IMPA1: variants seen among roughly 807,000 people sequenced by gnomAD.
IMPA1 encodes the protein inositol monophosphatase 1.
Under a neutral mutation model 34.9 loss-of-function variants are expected in IMPA1, and 21 were observed. The observed-to-expected ratio is 0.60, with a 90% CI of 0.43 to 0.87. The LOEUF is 0.87. IMPA1 is among the 40% of genes least tolerant of loss of function. The probability of loss-of-function intolerance (pLI) is 0.00; values close to 1 mark genes in which losing one functional copy is unlikely to be tolerated. For synonymous variants in IMPA1, 95 were observed against 104.4 expected, an observed-to-expected ratio of 0.91 and a Z score of 0.55; for missense variants, 299 against 336.4, an observed-to-expected ratio of 0.89 and a Z score of 0.87.
At chr8:81,678,418 G>A (rs1807190831) in intron 4 of IMPA1, among the ~76,000 whole-genome samples, 2 of 152,144 alleles carry the variant, frequency 1.3e-5, no homozygotes, top group Non-Finnish European at 2.9e-5. Context: ...TTGGCCAGGT[G>A]CAGTGGTTCA....
intron 4 of IMPA1, among the ~76,000 whole-genome samples, chr8:81,677,932 A>G (rs1246957780): frequency 5.3e-5 from 8 of 152,192 alleles, no homozygotes; most frequent in Non-Finnish European, 8.8e-5. Flanking sequence ...GGGCAATTCC[A>G]CCAGGCTTTC....
chr8:81,659,419 T>C lies in IMPA1; in HGVS notation c.766A>G (p.Arg256Gly), dbSNP rs1474471919. The change falls in exon 9 of 9, where the codon AGA (arginine) becomes GGA (glycine). Residue 256 changes from arginine to glycine, a missense_variant. Transcript: ENST00000256108. Reference sequence around the variant, plus strand: ...TTAGCTATCCTTTCTGCTAATATTCTATTATTTGCAGCAATTACTCTTCGT... The same window carrying C: ...TTAGCTATCCTTTCTGCTAATATTCCATTATTTGCAGCAATTACTCTTCGT... ...MSRRVIAANN[R>G]ILAERIAKEI... 4 of 1,611,810 alleles carry C rather than the reference T, an allele frequency of 2.5e-6. No homozygotes were observed. The highest frequency in any genetic ancestry group is 2.5e-6 in the Non-Finnish European group (3 of 1,178,262).
In IMPA1 at chr8:81,685,014, C is replaced by T. The variant is rs184430299; in HGVS notation, c.-25+1238G>A. Among the ~76,000 whole-genome samples the T allele has an allele frequency of 2.0e-3, 257 of 130,940 alleles. 4 individuals are homozygous for T. The highest frequency in any genetic ancestry group is 6.3e-3 in the African/African-American group (221 of 34,820). 85.9% of individuals were successfully genotyped at this position (130,940 alleles called of 152,430 possible). A position where few individuals can be genotyped will look rare whatever the true frequency, so the allele number is the denominator to read the frequency against. Reference sequence around the variant, plus strand: ...ATATTTAGATACTATATATACTATACGTAAGTATATTTAGATACTATATAT... The same window carrying T: ...ATATTTAGATACTATATATACTATATGTAAGTATATTTAGATACTATATAT... On this transcript the variant is annotated intron_variant, in intron 1 of 8. Coordinates refer to ENST00000256108, the MANE Select transcript of IMPA1 (RefSeq NM_005536.4).
At chr8:81,662,797 G>C (rs1350789560) in intron 7 of IMPA1, among the ~76,000 whole-genome samples, 1 of 152,082 alleles carries the variant, frequency 6.6e-6, no homozygotes, top group African/African-American at 2.4e-5. Context: ...TGATAAAATT[G>C]TTCTCTAAAC....
Position 81,673,952 on chromosome 8 carries a change from G to A in IMPA1, c.349-3C>T, listed in dbSNP as rs1209832027. ...CTGTACACAACTCCAAATTCTATCTGCAGAGGAAAACAAGTTTCCTTTACC... is the reference window on the plus strand; with the variant it reads ...CTGTACACAACTCCAAATTCTATCTACAGAGGAAAACAAGTTTCCTTTACC... On this transcript the variant is annotated splice_polypyrimidine_tract_variant and splice_region_variant and intron_variant, in intron 5 of 8. Coordinates refer to ENST00000256108, the MANE Select transcript of IMPA1 (RefSeq NM_005536.4). 5.1e-6 allele frequency: 8 copies of A among 1,580,326 alleles called. No individual in the cohort carries two copies. Among genetic ancestry groups the A allele is most frequent in the Non-Finnish European group, 6.9e-6 (8 of 1,151,990 alleles).
intron 3 of IMPA1, 54 bp from the exon 4 acceptor site, chr8:81,679,284 CA>C: frequency 2.6e-6 from 3 of 1,142,074 alleles, no homozygotes; most frequent in Non-Finnish European, 4.0e-6. Flanking sequence ...CAACAATTTC[CA>C]AATCATAACA....
chr8:81,666,562 T>C (rs988962821), intron 7 of IMPA1, among the ~76,000 whole-genome samples: 2 of 152,144 alleles, frequency 1.3e-5, no homozygotes, highest in African/African-American at 4.8e-5. Context: ...CAAAGATTTA[T>C]CAGGCAAACA....
intron 1 of IMPA1, among the ~76,000 whole-genome samples, chr8:81,683,217 A>G (rs1361359616): frequency 6.6e-6 from 1 of 152,180 alleles, no homozygotes; most frequent in Non-Finnish European, 1.5e-5. Context: ...CTGGGGAGGT[A>G]GTGGGGATCA....
intron 4 of IMPA1, among the ~76,000 whole-genome samples, chr8:81,678,171 A>AT (rs879932837): frequency 1.2e-3 from 173 of 144,408 alleles, no homozygotes; most frequent in East Asian, 5.4e-3. Context: ...CACCCATGCA[A>AT]TTTTTTTTTT....
intron 1 of IMPA1, 127 bp from the exon 2 acceptor site, chr8:81,681,711 T>C: frequency 3.3e-6 from 2 of 614,598 alleles, no homozygotes; most frequent in South Asian, 4.0e-5. Context: ...TTTCCCAAGA[T>C]TTATGCCTAT....
At chr8:81,674,975 TTCACCCACAC>T (rs1385606203) in intron 5 of IMPA1, 5 of 388,220 alleles carry the variant, frequency 1.3e-5, no homozygotes, top group Non-Finnish European at 2.6e-5. Flanking sequence ...CTCTACTTAG[TTCACCCACAC>T]CCCAGTATAA....
chr8:81,668,750 G>C (rs1806905400), intron 7 of IMPA1, among the ~76,000 whole-genome samples: 1 of 150,376 alleles, frequency 6.6e-6, no homozygotes, highest in East Asian at 2.0e-4. Flanking sequence ...ACAGCTACAA[G>C]GGAGCCAGGT....
intron 1 of IMPA1, among the ~76,000 whole-genome samples, chr8:81,685,507 G>A (rs377100728): frequency 1.1e-4 from 16 of 142,098 alleles, no homozygotes; most frequent in South Asian, 1.1e-3. Flanking sequence ...GTATATATAC[G>A]TAAGTATATT....
intron 1 of IMPA1, among the ~76,000 whole-genome samples, chr8:81,682,850 T>A (rs939160516): frequency 6.6e-6 from 1 of 152,184 alleles, no homozygotes; most frequent in Non-Finnish European, 1.5e-5. Context: ...CATCCTTCAA[T>A]AGATGTTTAC....
chr8:81,673,219 C>G (rs371785233), intron 6 of IMPA1, among the ~76,000 whole-genome samples: 12 of 152,324 alleles, frequency 7.9e-5, no homozygotes, highest in Admixed American at 7.2e-4. Flanking sequence ...CTCTGCTCGC[C>G]TGAGACAAAT....
chr8:81,660,677 A>G lies in IMPA1; in HGVS notation c.567-10T>C. 1 of 1,585,250 alleles carries G rather than the reference A, an allele frequency of 6.3e-7. No individual in the cohort carries two copies. The highest frequency in any genetic ancestry group is 1.1e-5 in the South Asian group (1 of 87,282). On this transcript the variant is annotated splice_polypyrimidine_tract_variant and intron_variant, in intron 7 of 8. Transcript: ENST00000256108. ...TCCAACACTCCGGATCCTAACAAAT[A>G]GAATTTAGAAATAAAATTGGAAAAA...
rs1806536419 is a variant in IMPA1, at chr8:81,656,980, C to A, written c.*2371G>T. The stretch of plus-strand genomic sequence containing the variant: ...TATTTATGTATATTTATGTATGTAT[C>A]TGTGTATGTATCCACATGCAGAAAG... On this transcript the variant is annotated 3_prime_UTR_variant, in exon 9 of 9. Transcript: ENST00000256108. Among the ~76,000 whole-genome samples the A allele has an allele frequency of 6.6e-6, 1 of 152,178 alleles. No homozygotes were observed. Among genetic ancestry groups the A allele is most frequent in the South Asian group, 2.1e-4 (1 of 4,834 alleles).
At chr8:81,660,329 A>C (rs947565476) in intron 8 of IMPA1, among the ~76,000 whole-genome samples, 187 bp downstream of exon 8, 2 of 152,190 alleles carry the variant, frequency 1.3e-5, no homozygotes, top group African/African-American at 4.8e-5. Flanking sequence ...TGTAAGTCTC[A>C]CATTACCATT....
intron 6 of IMPA1, 115 bp downstream of exon 6, chr8:81,673,726 T>C (rs1807054641): frequency 3.1e-6 from 2 of 635,318 alleles, no homozygotes; most frequent in Admixed American, 2.8e-5. Flanking sequence ...AAAGAGATAA[T>C]AAACACAATT....
Sources: gnomAD v4.1 joint callset for allele counts (sites outside exome capture counted in the v4.1 genomes callset) on GRCh38, gnomAD v4.1.1 for gene constraint, MANE v1.5 for transcripts, NCBI Gene and HGNC (gene_info 2026-07-23, HGNC 2026-07-21) for gene names.